TUSC3: variants seen among roughly 807,000 people sequenced by gnomAD.
The protein encoded by TUSC3 is tumor suppressor candidate 3.
TUSC3 carries 45 observed loss-of-function variants against 44.8 expected under a neutral mutation model. That is an observed-to-expected ratio of 1.00 (90% confidence interval 0.79 to 1.29). The LOEUF (loss-of-function observed/expected upper bound fraction) is 1.29. Ranked by LOEUF, TUSC3 falls within the 50% of genes most tolerant of loss-of-function variation. The probability of loss-of-function intolerance (pLI) is 0.00; values close to 1 mark genes in which losing one functional copy is unlikely to be tolerated. For missense variants in TUSC3, 519 were observed against 437.9 expected (o/e 1.19, Z -1.65); for synonymous variants, 212 against 152.9 (o/e 1.39, Z -2.85).
In TUSC3 at chr8:15,718,946, A is replaced by G. The variant is rs570658040; in HGVS notation, c.799-11720A>G. ...CAAATATGTACATATATATGTATAT[A>G]TTTTTTCCTTTAAAATATATTCAGG... On this transcript the variant is annotated intron_variant, in intron 6 of 10. Transcript: ENST00000503731. Among the ~76,000 whole-genome samples, 6 of 152,068 alleles carry G rather than the reference A, an allele frequency of 3.9e-5. No homozygotes were observed. In the East Asian group the frequency reaches 1.2e-3, roughly 30 times the overall value.
At chr8:15,748,663 C>T (rs1274752310) in intron 9 of TUSC3, 198 bp downstream of exon 9, 6 of 729,428 alleles carry the variant, frequency 8.2e-6, no homozygotes, top group Non-Finnish European at 1.5e-5. Context: ...TTCTTGTTCC[C>T]TGACAGCATG....
chr8:15,738,579 G>A (rs1332946461), intron 7 of TUSC3, among the ~76,000 whole-genome samples: 2 of 152,014 alleles, frequency 1.3e-5, no homozygotes, highest in Non-Finnish European at 2.9e-5. Context: ...TGGAAAATAC[G>A]TGTGACTCTT....
chr8:15,534,739 GCAGATTGA>G (rs1801500179), intron 2 of TUSC3, among the ~76,000 whole-genome samples: 1 of 151,916 alleles, frequency 6.6e-6, no homozygotes, highest in Non-Finnish European at 1.5e-5. Context: ...CAGAATCACA[GCAGATTGA>G]CAGAGACCTC....
intron 1 of TUSC3, among the ~76,000 whole-genome samples, chr8:15,421,052 C>G (rs924311777): frequency 6.6e-6 from 1 of 152,202 alleles, no homozygotes; most frequent in African/African-American, 2.4e-5. Context: ...CAACTGCCTA[C>G]TCACTACCTC....
intron 1 of TUSC3, among the ~76,000 whole-genome samples, chr8:15,546,762 C>T (rs1291484139): frequency 3.3e-5 from 5 of 151,476 alleles, no homozygotes; most frequent in African/African-American, 9.7e-5. Flanking sequence ...CTGTAACTCC[C>T]GACCTCAGGT....
At position 15,540,474 on chromosome 8, in the gene TUSC3, G is replaced by A. The variant is rs760691014; in HGVS notation, c.44G>A (p.Arg15Gln). 3.7e-6 allele frequency: 6 copies of A among 1,607,246 alleles called. No individual in the cohort carries two copies. The highest frequency in any genetic ancestry group is 5.1e-6 in the Non-Finnish European group (6 of 1,177,680). ...GAPSRRRQAG[R>Q]RLRYLPTGSF... The stretch of plus-strand genomic sequence containing the variant: ...CCTTCACGCCGTAGGCAAGCGGGGC[G>A]GCGGCTGCGGTACCTGCCCACCGGG... The change falls in exon 1 of 11, where the codon CGG becomes CAG. Residue 15 changes from arginine (R) to glutamine (Q), a missense_variant. Transcript: ENST00000503731.
downstream of TUSC3, among the ~76,000 whole-genome samples, chr8:15,769,971 T>C (rs549188609): frequency 6.6e-6 from 1 of 152,294 alleles, no homozygotes; most frequent in South Asian, 2.1e-4. Flanking sequence ...GGTGGGAGTG[T>C]AAATTAGTTC....
Position 15,540,519 on chromosome 8 carries a change from T to G in TUSC3, c.89T>G (p.Leu30Arg). 1 of 1,604,064 alleles carries G rather than the reference T, an allele frequency of 6.2e-7. No homozygotes were observed. Among genetic ancestry groups the G allele is most frequent in the Non-Finnish European group, 8.5e-7 (1 of 1,175,676 alleles). ...LPTGSFPFLL[L>R]LLLLCIQLGG... ...ACCGGGAGCTTTCCCTTCCTTCTCC[T>G]GCTGCTGCTGCTCTGCATCCAGCTC... Residue 30 changes from leucine (L) to arginine (R), a missense_variant, in exon 1 of 11, where the codon CTG (leucine) becomes CGG (arginine). By Grantham distance (102) the Leu-to-Arg change is moderately radical. Coordinates refer to ENST00000503731, the MANE Select transcript of TUSC3 (RefSeq NM_006765.4).
upstream of TUSC3, among the ~76,000 whole-genome samples, chr8:15,539,019 AT>A (rs1180384228): frequency 0.018 from 2,533 of 143,048 alleles, 64 homozygotes; most frequent in African/African-American, 0.058. Flanking sequence ...CCAGCTGTTA[AT>A]TTTTTTTTTT....
rs1027324854 is a variant in TUSC3, at chr8:15,758,053, T to C, written c.*46+198T>C. On this transcript the variant is annotated intron_variant, in intron 10 of 10. Coordinates refer to ENST00000503731, the MANE Select transcript of TUSC3 (RefSeq NM_006765.4). ...AGGGAGAAGTCCTCAGATAAAAATG[T>C]CTACCAAAAGACTGACACGTGGAGT... is the stretch of plus-strand genomic sequence containing the variant. 3.6e-6 allele frequency: 5 copies of C among 1,385,228 alleles called. No individual in the cohort carries two copies. In the African/African-American group the frequency reaches 5.8e-5, roughly 16 times the overall value. The allele number at this position is 1,385,228 out of a possible 1,614,324, so 85.8% of individuals were successfully genotyped here. A position where few individuals can be genotyped will look rare whatever the true frequency, so the allele number is the denominator to read the frequency against.
intron 7 of TUSC3, among the ~76,000 whole-genome samples, chr8:15,742,747 C>T (rs1451854421): frequency 6.6e-6 from 1 of 152,216 alleles, no homozygotes; most frequent in Non-Finnish European, 1.5e-5. Context: ...GTCCATTAAT[C>T]GCTTGGGCGA....
intron 1 of TUSC3, among the ~76,000 whole-genome samples, chr8:15,463,354 A>T (rs186752124): frequency 2.6e-5 from 4 of 152,196 alleles, no homozygotes; most frequent in African/African-American, 7.2e-5. Flanking sequence ...AATCAGAGGA[A>T]TTTTTTCTAG....
rs1238961019 is a variant in TUSC3, at chr8:15,530,085, G to A, written n.189+46602G>A. Among the ~76,000 whole-genome samples, 7 of 151,570 alleles carry A rather than the reference G, an allele frequency of 4.6e-5. 1 individual carries two copies. Among genetic ancestry groups the A allele is most frequent in the East Asian group, 3.9e-4 (2 of 5,156 alleles). On this transcript the variant is annotated intron_variant and non_coding_transcript_variant, in intron 2 of 5. Transcript: ENST00000503191. ...CAGGCGTGAGCCACCGCGCCCGGCC[G>A]AAAAAGTTTTTTACACTCCTGTATT... is the stretch of plus-strand genomic sequence containing the variant.
intron 6 of TUSC3, among the ~76,000 whole-genome samples, chr8:15,702,935 C>T (rs1225961101): frequency 6.6e-6 from 1 of 152,184 alleles, no homozygotes; most frequent in Non-Finnish European, 1.5e-5. Flanking sequence ...AAATTGTTTA[C>T]GTGCATGATG....
At chr8:15,546,905 C>T (rs1801889439) in intron 1 of TUSC3, among the ~76,000 whole-genome samples, 2 of 151,500 alleles carry the variant, frequency 1.3e-5, no homozygotes, top group African/African-American at 4.8e-5. Context: ...CCCAGTTGGC[C>T]TGTCTCTATT....
chr8:15,822,628 A>C, the TUSC3 span, among the ~76,000 whole-genome samples: 2 of 152,190 alleles, frequency 1.3e-5, no homozygotes, highest in African/African-American at 4.8e-5. Context: ...CCAAGGATTG[A>C]GCTTTGGGGA....
rs528789782 is a variant in TUSC3 at position 15,649,156 on chromosome 8, CTGTT to C, written c.309-1535_309-1532del. ...TGTTTTCTGATCGTTCTTTTAGAGT[CTGTT>C]TGTTTTGGGAAGTTTTTAAGAAATC... On this transcript the variant is annotated intron_variant, in intron 2 of 10. Coordinates refer to ENST00000503731, the MANE Select transcript of TUSC3 (RefSeq NM_006765.4). Among the ~76,000 whole-genome samples the C allele has an allele frequency of 1.3e-4, 20 of 152,168 alleles. No homozygotes were observed. The East Asian group carries it at 2.3e-3, about 18-fold the overall frequency.
downstream of TUSC3, among the ~76,000 whole-genome samples, chr8:15,770,344 T>C (rs1280372028): frequency 6.6e-6 from 1 of 151,756 alleles, no homozygotes; most frequent in Non-Finnish European, 1.5e-5. Context: ...CACTCATAAG[T>C]GAGAGTTGGA....
At chr8:15,648,207 C>G (rs187925572) in intron 2 of TUSC3, among the ~76,000 whole-genome samples, 5 of 152,270 alleles carry the variant, frequency 3.3e-5, no homozygotes, top group South Asian at 2.1e-4. Flanking sequence ...ACTCTGTCTT[C>G]TAACATTGGT....
Sources: allele counts gnomAD v4.1 joint callset (sites outside exome capture counted in the v4.1 genomes callset), GRCh38; gene constraint gnomAD v4.1.1; transcripts MANE v1.5; gene names NCBI Gene and HGNC (gene_info 2026-07-23, HGNC 2026-07-21).